The following SPIRE1 variants were observed in gnomAD, a reference collection of about 807,000 sequenced individuals.
The protein encoded by SPIRE1 is protein spire homolog 1.
Under a neutral mutation model 94.1 loss-of-function variants are expected in SPIRE1, and 40 were observed. That is an observed-to-expected ratio of 0.43 (90% CI 0.33 to 0.55). The LOEUF is 0.55. Among genes scored for constraint, SPIRE1 ranks in the 20% least tolerant of loss-of-function variants. The probability of loss-of-function intolerance (pLI) is 0.06; values close to 1 mark genes in which losing one functional copy is unlikely to be tolerated. For missense variants in SPIRE1, 838 were observed against 975.2 expected, an observed-to-expected ratio of 0.86 and a Z score of 1.87; for synonymous variants, 376 against 371.7, an observed-to-expected ratio of 1.01 and a Z score of -0.13.
intron 1 of SPIRE1, among the ~76,000 whole-genome samples, chr18:12,647,925 A>G (rs2038267889): frequency 6.6e-6 from 1 of 152,204 alleles, no homozygotes; most frequent in Admixed American, 6.5e-5. Context: ...TTGCAGTGCC[A>G]GAAAGCAAGG....
intron 12 of SPIRE1, chr18:12,459,695 G>A (rs1241752103): frequency 1.1e-6 from 1 of 929,198 alleles, no homozygotes; most frequent in Non-Finnish European, 1.3e-6. Context: ...AACAGTTGAG[G>A]TGTCACCGTC....
At chr18:12,609,017 G>A (rs1037172738) in intron 2 of SPIRE1, among the ~76,000 whole-genome samples, 5 of 152,184 alleles carry the variant, frequency 3.3e-5, no homozygotes, top group African/African-American at 1.2e-4. Flanking sequence ...TCCCACCTCA[G>A]ATCATCAGGC....
chr18:12,478,523 ATGTGTGTGTGTAGCTAGGG>A (rs2032705118), intron 10 of SPIRE1, among the ~76,000 whole-genome samples: 3 of 124,858 alleles, frequency 2.4e-5, no homozygotes, highest in Non-Finnish European at 5.0e-5. Flanking sequence ...GTGTGTGTGC[ATGTGTGTGTGTAGCTAGGG>A]TGTGTGTGTG....
intron 10 of SPIRE1, among the ~76,000 whole-genome samples, chr18:12,469,350 G>A (rs2032248431): frequency 1.3e-5 from 2 of 151,402 alleles, no homozygotes; most frequent in South Asian, 4.2e-4. Flanking sequence ...TTATTGGCAA[G>A]TGCCACCATG....
rs1453535307 is a variant in SPIRE1, at chr18:12,623,297, G to A, written c.372+11765C>T. On this transcript the variant is annotated intron_variant, in intron 2 of 16. Coordinates refer to ENST00000409402, the MANE Select transcript of SPIRE1 (RefSeq NM_001128626.2). Reference sequence around the variant, plus strand: ...GCCTCCTGAGTAGCTGGGACTACAGGCGCCCGCCACCACGCCTGGCTGATT... The same window carrying A: ...GCCTCCTGAGTAGCTGGGACTACAGACGCCCGCCACCACGCCTGGCTGATT... 3.9e-5 allele frequency among the ~76,000 whole-genome samples: 6 copies of A among 152,000 alleles called. 1 individual carries two copies. In the South Asian group the frequency reaches 1.2e-3, roughly 32 times the overall value.
At chr18:12,653,868 C>A (rs1371931033) in intron 1 of SPIRE1, among the ~76,000 whole-genome samples, 11 of 151,514 alleles carry the variant, frequency 7.3e-5, no homozygotes, top group Admixed American at 7.2e-4. Flanking sequence ...ATCTCTTGAA[C>A]CCGGGAGGCG....
chr18:12,660,752 GGGCTT>G (rs1311028459), upstream of SPIRE1, among the ~76,000 whole-genome samples: 1 of 151,968 alleles, frequency 6.6e-6, no homozygotes, highest in Non-Finnish European at 1.5e-5. Context: ...TCCAACAGAA[GGGCTT>G]TTTTTTTTAT....
intron 4 of SPIRE1, among the ~76,000 whole-genome samples, chr18:12,522,253 T>C (rs922990699): frequency 6.6e-6 from 1 of 152,220 alleles, no homozygotes; most frequent in African/African-American, 2.4e-5. Flanking sequence ...TATAAAGTTT[T>C]AGTGGTCTGG....
intron 4 of SPIRE1, among the ~76,000 whole-genome samples, chr18:12,521,250 G>C (rs1415883661): frequency 1.3e-5 from 2 of 151,850 alleles, no homozygotes; most frequent in African/African-American, 4.8e-5. Context: ...ATCAAGTTAT[G>C]ATTTCTTGCA....
At chr18:12,578,516 T>C (rs77606745) in intron 2 of SPIRE1, among the ~76,000 whole-genome samples, 3 of 152,364 alleles carry the variant, frequency 2.0e-5, no homozygotes, top group Non-Finnish European at 4.4e-5. Flanking sequence ...GGAAACTTTC[T>C]GTGGTGATGA....
chr18:12,626,694 AAGAG>A (rs1447836337), intron 2 of SPIRE1, among the ~76,000 whole-genome samples: 2 of 124,608 alleles, frequency 1.6e-5, no homozygotes, highest in East Asian at 6.2e-4. Flanking sequence ...ATGAAAAGTA[AAGAG>A]ATAAAGTGGT....
At chr18:12,577,054 C>A (rs2036123951) in intron 2 of SPIRE1, among the ~76,000 whole-genome samples, 1 of 152,134 alleles carries the variant, frequency 6.6e-6, no homozygotes, top group African/African-American at 2.4e-5. Context: ...GAAAGGATAT[C>A]ATTTCAACAA....
At chr18:12,509,999 T>G (rs766026238) in intron 5 of SPIRE1, among the ~76,000 whole-genome samples, 42 of 151,374 alleles carry the variant, frequency 2.8e-4, no homozygotes, top group East Asian at 1.9e-4. Flanking sequence ...GCAGGAGAAT[T>G]GCTTGAACCC....
Position 12,476,270 on chromosome 18 carries a change from GGCTCACGCCTGTAATCCCA to G in SPIRE1, c.1404+3410_1404+3428del, listed in dbSNP as rs368535723. Reference sequence around the variant, plus strand: ...TTAGAAGTTTTCAGCTGGGCGTGGTGGCTCACGCCTGTAATCCCAGCTCTTTGGGAGGCTGAGGCAGGTG... The same window carrying G: ...TTAGAAGTTTTCAGCTGGGCGTGGTGGCTCTTTGGGAGGCTGAGGCAGGTG... On this transcript the variant is annotated intron_variant, in intron 10 of 16. Coordinates refer to ENST00000409402, the MANE Select transcript of SPIRE1 (RefSeq NM_001128626.2). 3.6e-3 allele frequency among the ~76,000 whole-genome samples: 555 copies of G among 152,160 alleles called. 3 individuals are homozygous for G. Among genetic ancestry groups the G allele is most frequent in the African/African-American group, 0.012 (514 of 41,504 alleles).
In SPIRE1 at chr18:12,657,664, G is replaced by A. The variant is rs910125954; in HGVS notation, c.203C>T (p.Ser68Phe). 126 of 1,335,244 alleles carry A rather than the reference G, an allele frequency of 9.4e-5. No individual in the cohort carries two copies. The highest frequency in any genetic ancestry group is 1.8e-4 in the African/African-American group (12 of 65,918). 82.7% of individuals were successfully genotyped at this position (1,335,244 alleles called of 1,614,324 possible). A position where few individuals can be genotyped will look rare whatever the true frequency, so the allele number is the denominator to read the frequency against. ...GCGGCGGCGGGCGGCGGCGCGCAGG[G>A]AACCGCAGCACTGGTAGCACACGGC... ...AWAVCYQCCG[S>F]LRAAARRRQP... Residue 68 changes from serine to phenylalanine, a missense_variant, in exon 1 of 17, where the codon TCC becomes TTC. Ser to Phe is a radical substitution (Grantham distance 155). Coordinates refer to ENST00000409402, the MANE Select transcript of SPIRE1 (RefSeq NM_001128626.2).
chr18:12,631,743 T>A (rs2037787801), intron 2 of SPIRE1, among the ~76,000 whole-genome samples: 1 of 152,104 alleles, frequency 6.6e-6, no homozygotes, highest in South Asian at 2.1e-4. Flanking sequence ...CGCACGCCTG[T>A]AGTCCCAGCT....
Position 12,588,630 on chromosome 18 carries a change from C to T in SPIRE1, c.373-41726G>A, listed in dbSNP as rs144096231. On this transcript the variant is annotated intron_variant, in intron 2 of 16. Transcript: ENST00000409402. ...TAAAAAAAAAAAAAAAAAAAACCTC[C>T]GTGGACTTGCTCCAGTCTACTTCAC... Among the ~76,000 whole-genome samples the T allele has an allele frequency of 9.7e-3, 1,386 of 143,000 alleles. 31 individuals are homozygous for T. Among genetic ancestry groups the T allele is most frequent in the African/African-American group, 0.032 (1,276 of 40,050 alleles). 93.8% of individuals were successfully genotyped at this position (143,000 alleles called of 152,430 possible).
chr18:12,503,458 G>A (rs188977611), intron 6 of SPIRE1, among the ~76,000 whole-genome samples: 25 of 152,180 alleles, frequency 1.6e-4, no homozygotes, highest in Admixed American at 9.2e-4. Context: ...ATCCTTCAGC[G>A]CCGAGGCTGC....
intron 10 of SPIRE1, among the ~76,000 whole-genome samples, chr18:12,478,760 G>A (rs1455251912): frequency 6.6e-6 from 1 of 152,068 alleles, no homozygotes; most frequent in African/African-American, 2.4e-5. Context: ...AGGCAATGAC[G>A]TATACAATAC....
Sources: allele counts gnomAD v4.1 joint callset (sites outside exome capture counted in the v4.1 genomes callset), GRCh38; gene constraint gnomAD v4.1.1; transcripts MANE v1.5; gene names NCBI Gene and HGNC (gene_info 2026-07-23, HGNC 2026-07-21).